CHRNA3: variants seen among roughly 807,000 people sequenced by gnomAD.
CHRNA3 encodes the protein cholinergic receptor nicotinic alpha 3 subunit, also known as neuronal acetylcholine receptor subunit alpha-3.
CHRNA3 carries 34 observed loss-of-function variants against 41.9 expected under a neutral mutation model. The observed-to-expected ratio is 0.81, with a 90% CI of 0.62 to 1.08. The LOEUF (loss-of-function observed/expected upper bound fraction) is 1.08, where lower values mean the gene tolerates loss of function less well. CHRNA3 is among the 50% of genes least tolerant of loss of function. CHRNA3 has a pLI of 0.00. For missense variants in CHRNA3, 542 were observed against 638.3 expected, an observed-to-expected ratio of 0.85 and a Z score of 1.63; for synonymous variants, 281 against 265.2, an observed-to-expected ratio of 1.06 and a Z score of -0.58.
rs781008848 is a variant in CHRNA3, at chr15:78,601,660, C to T, written c.982G>A (p.Val328Met). The change falls in exon 5 of 6, where the codon GTG becomes ATG. Residue 328 changes from valine (V) to methionine (M), a missense_variant. Physicochemically the swap from Val to Met is conservative, Grantham distance 21 (BLOSUM62 1). Transcript: ENST00000326828. ...SIVITVFVLN[V>M]HYRTPTTHTM... ...TGTGTCGTCGGGGTTCTGTAGTGCA[C>T]GTTGAGCACGAAGACGGTGATGACG... 6.2e-6 allele frequency: 10 copies of T among 1,613,964 alleles called. No individual in the cohort carries two copies. Among genetic ancestry groups the T allele is most frequent in the East Asian group, 4.5e-5 (2 of 44,892 alleles).
Position 78,597,153 on chromosome 15 carries a change from G to A in CHRNA3, c.1390-421C>T, listed in dbSNP as rs991300935. 4.6e-5 allele frequency among the ~76,000 whole-genome samples: 7 copies of A among 152,126 alleles called. No individual in the cohort carries two copies. The East Asian group carries it at 7.7e-4, about 17-fold the overall frequency. ...ATCCAGTTTTAGATATAAATTTGGC[G>A]CAGTGGCTCACGCCTGTAATCCCAG... is the stretch of plus-strand genomic sequence containing the variant. On this transcript the variant is annotated intron_variant, in intron 5 of 5. Coordinates refer to ENST00000326828, the MANE Select transcript of CHRNA3 (RefSeq NM_000743.5).
chr15:78,616,183 T>C lies in CHRNA3; in HGVS notation c.377+841A>G, dbSNP rs372214019. Among the ~76,000 whole-genome samples the C allele has an allele frequency of 3.6e-4, 54 of 151,726 alleles. No individual in the cohort carries two copies. In the East Asian group the frequency reaches 6.8e-3, roughly 19 times the overall value. The stretch of plus-strand genomic sequence containing the variant: ...GCCTGGCCAACATGGCAAAACCCCA[T>C]CTCTACTGAAAAATACAAAATTAGC... On this transcript the variant is annotated intron_variant, in intron 4 of 5. Transcript: ENST00000326828.
chr15:78,612,489 T>C (rs1238109431), intron 4 of CHRNA3, among the ~76,000 whole-genome samples: 4 of 107,674 alleles, frequency 3.7e-5, no homozygotes, highest in African/African-American at 8.5e-5. Context: ...ATTTAATAAA[T>C]GGTGCTGGGA....
intron 4 of CHRNA3, among the ~76,000 whole-genome samples, chr15:78,607,073 C>CA (rs1322368699): frequency 4.6e-5 from 7 of 151,400 alleles, no homozygotes; most frequent in African/African-American, 1.7e-4. Flanking sequence ...ACTAAAAATA[C>CA]AAAAAATTAG....
At chr15:78,616,906 A>G in intron 4 of CHRNA3, 118 bp downstream of exon 4, 1 of 650,872 alleles carries the variant, frequency 1.5e-6, no homozygotes, top group East Asian at 2.7e-5. Context: ...TGGACTGAAC[A>G]AATGAATGCA....
At chr15:78,611,035 T>C (rs1345265642) in intron 4 of CHRNA3, among the ~76,000 whole-genome samples, 7 of 151,980 alleles carry the variant, frequency 4.6e-5, no homozygotes, top group Non-Finnish European at 8.8e-5. Context: ...AAGTTGAATC[T>C]CTGAATAGAC....
intron 4 of CHRNA3, among the ~76,000 whole-genome samples, chr15:78,613,709 T>C (rs1210920624): frequency 6.7e-6 from 1 of 149,394 alleles, no homozygotes; most frequent in South Asian, 2.1e-4. Flanking sequence ...ACCCTAAAAC[T>C]TAAAGTATAA....
intron 4 of CHRNA3, among the ~76,000 whole-genome samples, chr15:78,606,142 G>A (rs567723757): frequency 1.3e-5 from 2 of 151,978 alleles, no homozygotes; most frequent in South Asian, 4.2e-4. Flanking sequence ...CCAACATGGT[G>A]AAACCCCGTC....
At chr15:78,614,522 C>G (rs1235046309) in intron 4 of CHRNA3, among the ~76,000 whole-genome samples, 1 of 152,112 alleles carries the variant, frequency 6.6e-6, no homozygotes, top group Non-Finnish European at 1.5e-5. Context: ...TTTGTTTTTG[C>G]CAGAGACCAG....
intron 4 of CHRNA3, among the ~76,000 whole-genome samples, chr15:78,609,602 T>C (rs142617926): frequency 6.6e-6 from 1 of 152,114 alleles, no homozygotes; most frequent in Admixed American, 6.6e-5. Flanking sequence ...AAGGAACAAC[T>C]GGTACCAGCC....
At chr15:78,595,269 ATC>A, downstream of CHRNA3, 9 of 984,416 alleles carry the variant, frequency 9.1e-6, 1 homozygote, top group Non-Finnish European at 1.1e-5. Context: ...TTTTATCGAC[ATC>A]TTTCTTTTGA....
intron 4 of CHRNA3, among the ~76,000 whole-genome samples, chr15:78,610,327 A>T (rs1025041224): frequency 5.3e-5 from 8 of 152,356 alleles, no homozygotes; most frequent in Non-Finnish European, 1.0e-4. Context: ...AGTTGGAAGT[A>T]AAGCACTCCT....
intron 4 of CHRNA3, 137 bp from the exon 5 acceptor site, chr15:78,602,401 T>A (rs2053220213): frequency 1.0e-6 from 1 of 976,124 alleles, no homozygotes; most frequent in East Asian, 2.6e-5. Flanking sequence ...CCATAAAAGG[T>A]CACCCATTTC....
chr15:78,594,585 G>A (rs1323933867), downstream of CHRNA3: 2 of 152,342 alleles, frequency 1.3e-5, no homozygotes, highest in Non-Finnish European at 1.5e-5. Flanking sequence ...GGCTGAGGCA[G>A]GAGAATCGCT....
intron 5 of CHRNA3, among the ~76,000 whole-genome samples, chr15:78,600,853 G>T (rs902442039): frequency 2.0e-5 from 3 of 152,144 alleles, no homozygotes; most frequent in African/African-American, 7.2e-5. Context: ...GGGCAACAGA[G>T]CAGGACCCTG....
chr15:78,601,524 T>C lies in CHRNA3; in HGVS notation c.1118A>G (p.Tyr373Cys), dbSNP rs2141325319. The C allele has an allele frequency of 1.2e-6, 2 of 1,614,200 alleles. No homozygotes were observed. The highest frequency in any genetic ancestry group is 4.5e-5 in the East Asian group (2 of 44,870). Residue 373 changes from tyrosine (Y) to cysteine (C), a missense_variant, in exon 5 of 6, where the codon TAC becomes TGC. Coordinates refer to ENST00000326828, the MANE Select transcript of CHRNA3 (RefSeq NM_000743.5). ...EGNAQKPRPLYGAELSNLNCF... is the reference protein window; with the variant it reads ...EGNAQKPRPLCGAELSNLNCF... ...ATTCAGATTTGAGAGCTCGGCACCG[T>C]AGAGGGGCCTCGGCTTCTGAGCGTT...
intron 4 of CHRNA3, among the ~76,000 whole-genome samples, chr15:78,611,680 T>C (rs1457190641): frequency 1.3e-5 from 2 of 151,708 alleles, no homozygotes; most frequent in African/African-American, 2.4e-5. Context: ...ATGCCCTCTC[T>C]CACCACTCCT....
downstream of CHRNA3, chr15:78,593,419 T>TG: frequency 8.6e-6 from 5 of 581,882 alleles, no homozygotes; most frequent in Non-Finnish European, 1.4e-5. Context: ...AACAGTTGGC[T>TG]GTATGACTGA....
chr15:78,620,396 G>GGGCAGGGCGACGGGCAGCGCGC, intron 1 of CHRNA3: 1 of 370,588 alleles, frequency 2.7e-6, no homozygotes, highest in Non-Finnish European at 4.8e-6. Flanking sequence ...GGGCAGCGCG[G>GGGCAGGGCGACGGGCAGCGCGC]GGACGCGAAT....
Sources: allele counts gnomAD v4.1 joint callset (sites outside exome capture counted in the v4.1 genomes callset), GRCh38; gene constraint gnomAD v4.1.1; transcripts MANE v1.5; gene names NCBI Gene and HGNC (gene_info 2026-07-23, HGNC 2026-07-21).